Variants in PCDHGB5 observed in about 807,000 individuals in gnomAD.
PCDHGB5 encodes the protein protocadherin gamma-B5.
In PCDHGB5, 48 loss-of-function variants were observed where a neutral mutation model predicts 62.9. The observed-to-expected ratio is 0.76, with a 90% CI of 0.61 to 0.97. The LOEUF is 0.97. Among genes scored for constraint, PCDHGB5 ranks in the 50% least tolerant of loss-of-function variants. The probability of loss-of-function intolerance (pLI) is 0.00; values close to 1 mark genes in which losing one functional copy is unlikely to be tolerated. For missense variants in PCDHGB5, 1,118 were observed against 1,198.6 expected (o/e 0.93, Z 0.99); for synonymous variants, 474 against 511.2 (o/e 0.93, Z 0.98).
intron 1 of PCDHGB5, among the ~76,000 whole-genome samples, chr5:141,458,883 C>A (rs1171747288): frequency 6.6e-6 from 1 of 152,136 alleles, no homozygotes; most frequent in East Asian, 1.9e-4. Flanking sequence ...CAGGCATGCA[C>A]ACCATGCGCA....
rs1164046040 is a variant in PCDHGB5, at chr5:141,476,557, C to A, written c.2398-18250C>A. ...AAATGAAATTGGAGATTAGCGAGGC[C>A]GTGGCTCCGGGGACGCGCTTTCCGC... is the stretch of plus-strand genomic sequence containing the variant. On this transcript the variant is annotated intron_variant, in intron 1 of 3. Transcript: ENST00000617380. This position sits in a 1 kb window ranked among gnomAD's most constrained non-coding sequence, Gnocchi z 7.6. The A allele has an allele frequency of 2.5e-6, 4 of 1,614,222 alleles. No individual in the cohort carries two copies. Among genetic ancestry groups the A allele is most frequent in the Admixed American group, 3.3e-5 (2 of 60,032 alleles).
At chr5:141,456,404 G>A (rs935040352) in intron 1 of PCDHGB5, among the ~76,000 whole-genome samples, 4 of 152,104 alleles carry the variant, frequency 2.6e-5, no homozygotes, top group Non-Finnish European at 4.4e-5. Flanking sequence ...TTGCTTCTAG[G>A]CGAGAAGAAA....
Position 141,490,004 on chromosome 5 carries a change from C to T in PCDHGB5, c.2398-4803C>T. On this transcript the variant is annotated intron_variant, in intron 1 of 3. Coordinates refer to ENST00000617380, the MANE Select transcript of PCDHGB5 (RefSeq NM_018925.3). This position sits in a 1 kb window ranked among gnomAD's most constrained non-coding sequence, Gnocchi z 5.4. ...CTACGTGTGGGAATCCCAGAGAATG[C>T]ACCCATTGGTACTCTGCTGCTCCGC... The T allele has an allele frequency of 1.9e-6, 3 of 1,614,174 alleles. No individual in the cohort carries two copies. Among genetic ancestry groups the T allele is most frequent in the Non-Finnish European group, 2.5e-6 (3 of 1,179,980 alleles).
chr5:141,398,775 C>T lies in PCDHGB5; in HGVS notation c.648C>T (p.Asp216=). The T allele has an allele frequency of 6.2e-7, 1 of 1,613,926 alleles. No homozygotes were observed. Among genetic ancestry groups the T allele is most frequent in the African/African-American group, 1.3e-5 (1 of 75,070 alleles). Residue 216 remains aspartate, a synonymous_variant, in exon 1 of 4, where the codon GAC becomes GAT. Coordinates refer to ENST00000617380, the MANE Select transcript of PCDHGB5 (RefSeq NM_018925.3). ...ATCGTTTAGTCCTGACTGCCTTGGA[C>T]GGTGGACATCCACCCCTAAGCGGCA... The part of the protein sequence containing the change: ...SYHRLVLTAL[D]GGHPPLSGTT...
In PCDHGB5 at chr5:141,403,896, A is replaced by T. The variant is rs2094466164; in HGVS notation, c.2397+3372A>T. 6.2e-7 allele frequency: 1 copy of T among 1,613,866 alleles called. No individual in the cohort carries two copies. On this transcript the variant is annotated intron_variant, in intron 1 of 3. Transcript: ENST00000617380. The stretch of plus-strand genomic sequence containing the variant: ...CTAGATTATGAAGAATGTTCATTTT[A>T]TGAAATGGAAATACAAGCTGAAGAT...
At chr5:141,426,814 T>C (rs2096962370) in intron 1 of PCDHGB5, 1 of 456,592 alleles carries the variant, frequency 2.2e-6, no homozygotes, top group Admixed American at 2.3e-5. Flanking sequence ...AATGAACATT[T>C]CTCTCTGATG....
At position 141,419,169 on chromosome 5, in the gene PCDHGB5, C is replaced by T. The variant is rs746258255; in HGVS notation, c.2397+18645C>T. 73 of 1,613,970 alleles carry T rather than the reference C, an allele frequency of 4.5e-5. No homozygotes were observed. The highest frequency in any genetic ancestry group is 3.3e-4 in the Middle Eastern group (2 of 6,062). The stretch of plus-strand genomic sequence containing the variant: ...AAGCCTCCGTTATCCTCCAGCAAAA[C>T]CATAACCCTGCACATTACTGACGTC... On this transcript the variant is annotated intron_variant, in intron 1 of 3. Coordinates refer to ENST00000617380, the MANE Select transcript of PCDHGB5 (RefSeq NM_018925.3).
chr5:141,405,141 A>T (rs749502643), intron 1 of PCDHGB5: 4 of 1,613,862 alleles, frequency 2.5e-6, no homozygotes, highest in African/African-American at 1.3e-5. Flanking sequence ...GCTACCAGTG[A>T]TGGGTTGGCT....
At chr5:141,414,435 C>G (rs891322256) in intron 1 of PCDHGB5, 2 of 1,613,678 alleles carry the variant, frequency 1.2e-6, no homozygotes, top group African/African-American at 1.3e-5. Context: ...AACAGGTATC[C>G]TCTTACAATA....
chr5:141,504,242 GTTC>G (rs903218038), intron 2 of PCDHGB5, among the ~76,000 whole-genome samples: 25 of 152,170 alleles, frequency 1.6e-4, no homozygotes, highest in African/African-American at 5.1e-4. Context: ...GAAGCAGAGA[GTTC>G]TTCTTATGGT....
chr5:141,419,148 C>G, intron 1 of PCDHGB5: 1 of 1,613,940 alleles, frequency 6.2e-7, no homozygotes. Flanking sequence ...AGGGGCAAGC[C>G]TCCGTTATCC....
intron 1 of PCDHGB5, among the ~76,000 whole-genome samples, chr5:141,449,525 G>T (rs2098641561): frequency 6.7e-6 from 1 of 148,580 alleles, no homozygotes; most frequent in South Asian, 2.1e-4. Flanking sequence ...GGAGGCGGAG[G>T]TTGCAGTGAG....
Position 141,487,830 on chromosome 5 carries a change from T to C in PCDHGB5, c.2398-6977T>C, listed in dbSNP as rs1410090651. On this transcript the variant is annotated intron_variant, in intron 1 of 3. Transcript: ENST00000617380. This position sits in a 1 kb window ranked among gnomAD's most constrained non-coding sequence, Gnocchi z 5.0. ...TTTAGCATTGGGGGCGGGTCATGCC[T>C]ATATCTGAGTAAGAAATGAAAGTAA... The C allele has an allele frequency of 3.5e-6, 4 of 1,139,942 alleles. No homozygotes were observed. The highest frequency in any genetic ancestry group is 1.6e-5 in the African/African-American group (1 of 63,734). The allele number at this position is 1,139,942 out of a possible 1,614,324, so 70.6% of individuals were successfully genotyped here.
chr5:141,465,777 C>G (rs2099109055), intron 1 of PCDHGB5, among the ~76,000 whole-genome samples: 2 of 151,768 alleles, frequency 1.3e-5, no homozygotes, highest in African/African-American at 2.4e-5. Flanking sequence ...TCTCTTGTTA[C>G]AGTTTTTTTT....
chr5:141,419,945 T>TTGGCCTTGATTTCTG (rs1205104698), intron 1 of PCDHGB5: 6 of 1,613,970 alleles, frequency 3.7e-6, no homozygotes, highest in Non-Finnish European at 4.2e-6. Flanking sequence ...GGTGGTGGCC[T>TTGGCCTTGATTTCTG]TGGCCTTGAT....
intron 1 of PCDHGB5, among the ~76,000 whole-genome samples, chr5:141,444,977 T>A (rs2098452876): frequency 1.3e-5 from 2 of 152,200 alleles, no homozygotes; most frequent in South Asian, 4.1e-4. Flanking sequence ...TTCAAATCCA[T>A]GAACATGGTA....
intron 1 of PCDHGB5, among the ~76,000 whole-genome samples, chr5:141,433,594 G>A (rs1331681563): frequency 1.3e-5 from 2 of 152,086 alleles, no homozygotes; most frequent in Admixed American, 1.3e-4. Context: ...CCAGTACTTT[G>A]GGAGGCCGAG....
intron 1 of PCDHGB5, chr5:141,409,341 G>A (rs753232321): frequency 1.9e-6 from 3 of 1,613,976 alleles, no homozygotes; most frequent in Non-Finnish European, 2.5e-6. Flanking sequence ...GGAGGAAATG[G>A]AGAAGTCAGG....
At chr5:141,405,488 C>T (rs781076927) in intron 1 of PCDHGB5, 5 of 895,936 alleles carry the variant, frequency 5.6e-6, no homozygotes, top group Middle Eastern at 2.9e-4. Context: ...GGTGTGATCT[C>T]GGCTCATTGC....
Sources: allele counts gnomAD v4.1 joint callset (sites outside exome capture counted in the v4.1 genomes callset), GRCh38; gene constraint gnomAD v4.1.1; non-coding constraint Gnocchi (gnomAD v3.1); transcripts MANE v1.5; gene names NCBI Gene and HGNC (gene_info 2026-07-23, HGNC 2026-07-21).